The following PRKAA2 variants were observed in gnomAD, a reference collection of about 807,000 sequenced individuals.
The protein encoded by PRKAA2 is 5'-AMP-activated protein kinase catalytic subunit alpha-2.
A neutral mutation model predicts 56.3 loss-of-function variants in PRKAA2; 40 were observed. The observed-to-expected ratio is 0.71, with a 90% CI of 0.55 to 0.92. The LOEUF (loss-of-function observed/expected upper bound fraction) is 0.92, where lower values mean the gene tolerates loss of function less well. PRKAA2 is among the 40% of genes least tolerant of loss of function. The probability of loss-of-function intolerance (pLI) is 0.00; values close to 1 mark genes in which losing one functional copy is unlikely to be tolerated. For missense variants in PRKAA2, 542 were observed against 686.9 expected (o/e 0.79, Z 2.36); for synonymous variants, 214 against 234.2 (o/e 0.91, Z 0.79).
chr1:56,647,349 C>T lies in PRKAA2; in HGVS notation c.94+1868C>T, dbSNP rs7516242. On this transcript the variant is annotated intron_variant, in intron 1 of 8. Coordinates refer to ENST00000371244, the MANE Select transcript of PRKAA2 (RefSeq NM_006252.4). ...ACACACAAAGTTATATAACTTAACC[C>T]TATGTCCTTTCATATTGTGTTAAAA... Among the ~76,000 whole-genome samples the T allele has an allele frequency of 3.1e-3, 469 of 152,268 alleles. 2 individuals are homozygous for T. The highest frequency in any genetic ancestry group is 0.01 in the African/African-American group (431 of 41,556).
At chr1:56,677,489 C>A (rs1210685694) in intron 2 of PRKAA2, among the ~76,000 whole-genome samples, 1 of 152,108 alleles carries the variant, frequency 6.6e-6, no homozygotes, top group Admixed American at 6.6e-5. Flanking sequence ...ATACCTTGAC[C>A]TCATCACTTT....
intron 6 of PRKAA2, among the ~76,000 whole-genome samples, chr1:56,699,068 C>T (rs1002516789): frequency 6.6e-5 from 10 of 152,044 alleles, no homozygotes; most frequent in Non-Finnish European, 1.2e-4. Context: ...TTTTGGGGAG[C>T]GTAGTCATAG....
At chr1:56,693,698 A>G (rs2100425773) in intron 4 of PRKAA2, 67 bp from the exon 5 acceptor site, 2 of 1,163,044 alleles carry the variant, frequency 1.7e-6, no homozygotes, top group East Asian at 5.0e-5. Flanking sequence ...AATTTTGCTC[A>G]TATTTATATG....
intron 1 of PRKAA2, among the ~76,000 whole-genome samples, chr1:56,654,952 ATG>A (rs1353742799): frequency 6.6e-6 from 1 of 151,814 alleles, no homozygotes; most frequent in East Asian, 1.9e-4. Flanking sequence ...ATCTTGCTAT[ATG>A]TCTCTTACTC....
chr1:56,693,788 G>A lies in PRKAA2; in HGVS notation c.499G>A (p.Gly167Ser). ...DFGLSNMMSD[G>S]EFLRTSCGSP... is the part of the protein sequence containing the mutation. ...AGGATTATCTAATATGATGTCAGAT[G>A]GTGAATTTCTGAGAACTAGTTGCGG... The change falls in exon 5 of 9, where the codon GGT (glycine) becomes AGT (serine). Residue 167 changes from glycine (G) to serine (S), a missense_variant. Coordinates refer to ENST00000371244, the MANE Select transcript of PRKAA2 (RefSeq NM_006252.4). 1.3e-6 allele frequency: 2 copies of A among 1,595,896 alleles called. No homozygotes were observed. Among genetic ancestry groups the A allele is most frequent in the Non-Finnish European group, 1.7e-6 (2 of 1,167,030 alleles).
intron 5 of PRKAA2, 75 bp from the exon 6 acceptor site, chr1:56,695,860 T>G (rs1644255441): frequency 8.2e-7 from 1 of 1,226,762 alleles, no homozygotes. Context: ...GTAGACTACC[T>G]ATATATAGAA....
At chr1:56,650,722 G>A (rs1039931403) in intron 1 of PRKAA2, among the ~76,000 whole-genome samples, 1 of 152,118 alleles carries the variant, frequency 6.6e-6, no homozygotes, top group African/African-American at 2.4e-5. Context: ...CATTGGAATT[G>A]TACACCAAGG....
At chr1:56,666,175 AT>A (rs1038451109) in intron 1 of PRKAA2, among the ~76,000 whole-genome samples, 3 of 152,130 alleles carry the variant, frequency 2.0e-5, no homozygotes, top group Admixed American at 6.6e-5. Context: ...TTAGTCATGC[AT>A]TTTTTTTCCA....
intron 3 of PRKAA2, among the ~76,000 whole-genome samples, chr1:56,691,797 G>A (rs1476639741): frequency 4.6e-5 from 7 of 151,932 alleles, no homozygotes; most frequent in East Asian, 1.9e-4. Flanking sequence ...GTTTTAGTTT[G>A]TTTTACTGTC....
chr1:56,700,611 G>T (rs909080712), intron 6 of PRKAA2, among the ~76,000 whole-genome samples: 8 of 152,186 alleles, frequency 5.3e-5, no homozygotes, highest in Admixed American at 1.3e-4. Flanking sequence ...CAGTTGCGAT[G>T]TTAGACAGTT....
At chr1:56,694,811 A>G (rs1008288274) in intron 5 of PRKAA2, among the ~76,000 whole-genome samples, 1 of 152,180 alleles carries the variant, frequency 6.6e-6, no homozygotes, top group African/African-American at 2.4e-5. Flanking sequence ...GGACATAAGC[A>G]TTCAGTCCAT....
In PRKAA2 at chr1:56,674,399, C is replaced by G; in HGVS notation, c.113C>G (p.Thr38Arg). Residue 38 changes from threonine (T) to arginine (R), a missense_variant, in exon 2 of 9, where the codon ACA becomes AGA. By Grantham distance (71) the Thr-to-Arg change is moderately conservative (BLOSUM62 -1). Transcript: ENST00000371244. ...GKVKIGEHQL[T>R]GHKVAVKILN... is the part of the protein sequence containing the mutation. ...TCTTTAGTTGGAGAACATCAATTAA[C>G]AGGCCATAAAGTGGCAGTTAAAATC... 1 of 1,559,196 alleles carries G rather than the reference C, an allele frequency of 6.4e-7. No individual in the cohort carries two copies. The highest frequency in any genetic ancestry group is 8.6e-7 in the Non-Finnish European group (1 of 1,158,050).
chr1:56,689,324 T>C (rs1030000167), intron 2 of PRKAA2, among the ~76,000 whole-genome samples: 13 of 152,232 alleles, frequency 8.5e-5, no homozygotes, highest in Non-Finnish European at 1.2e-4. Context: ...CAAAGTTCAT[T>C]TGAAATAGTC....
At chr1:56,677,743 G>A (rs540351509) in intron 2 of PRKAA2, among the ~76,000 whole-genome samples, 3 of 149,474 alleles carry the variant, frequency 2.0e-5, no homozygotes, top group South Asian at 2.1e-4. Flanking sequence ...TGCAACCTTC[G>A]CTTCCCAGAT....
At chr1:56,655,773 G>A (rs180683040) in intron 1 of PRKAA2, among the ~76,000 whole-genome samples, 124 of 152,238 alleles carry the variant, frequency 8.1e-4, no homozygotes, top group African/African-American at 2.6e-3. Context: ...GTTTATCAAG[G>A]AGAGTCTGAT....
intron 4 of PRKAA2, 138 bp from the exon 5 acceptor site, chr1:56,693,627 T>C (rs1644241931): frequency 3.8e-6 from 2 of 526,526 alleles, no homozygotes; most frequent in East Asian, 6.2e-5. Flanking sequence ...AGTTAAATGC[T>C]TTCCACTGCT....
chr1:56,664,616 G>A (rs1239942231), intron 1 of PRKAA2, among the ~76,000 whole-genome samples: 2 of 151,930 alleles, frequency 1.3e-5, no homozygotes, highest in Admixed American at 6.6e-5. Context: ...AGGACTCTTA[G>A]GAAATGCAAA....
intron 2 of PRKAA2, among the ~76,000 whole-genome samples, chr1:56,690,871 G>C (rs1644224890): frequency 2.0e-5 from 3 of 152,140 alleles, no homozygotes; most frequent in African/African-American, 4.8e-5. Flanking sequence ...TTCAAAATCG[G>C]TTCCATAAAA....
intron 2 of PRKAA2, among the ~76,000 whole-genome samples, chr1:56,675,091 TAAATA>T (rs905260093): frequency 6.6e-6 from 1 of 152,098 alleles, no homozygotes; most frequent in African/African-American, 2.4e-5. Flanking sequence ...AATATTGAGA[TAAATA>T]AGATAAGTAA....
Sources: gnomAD v4.1 joint callset for allele counts (sites outside exome capture counted in the v4.1 genomes callset) on GRCh38, gnomAD v4.1.1 for gene constraint, MANE v1.5 for transcripts, NCBI Gene and HGNC (gene_info 2026-07-23, HGNC 2026-07-21) for gene names.